ZNF346: variants seen among roughly 807,000 people sequenced by gnomAD.
ZNF346 encodes zinc finger protein 346.
In ZNF346, 23 loss-of-function variants were observed where a neutral mutation model predicts 33.7. That is an observed-to-expected ratio of 0.68 (90% CI 0.49 to 0.97). The LOEUF (loss-of-function observed/expected upper bound fraction) is 0.97. Ranked by LOEUF, ZNF346 falls within the 50% of genes least tolerant of loss-of-function variation. The pLI is 0.00. For synonymous variants in ZNF346, 134 were observed against 142.4 expected (o/e 0.94, Z 0.42); for missense variants, 340 against 371.1 (o/e 0.92, Z 0.69).
downstream of ZNF346, among the ~76,000 whole-genome samples, chr5:177,072,834 C>A (rs1033797677): frequency 6.6e-6 from 1 of 152,050 alleles, no homozygotes; most frequent in South Asian, 2.1e-4. Context: ...AGGAGAGACT[C>A]ATTTCTGATG....
chr5:177,041,684 G>A lies in ZNF346; in HGVS notation c.280-94G>A, dbSNP rs1014316266. ...CCTCCTCCTCAAAACTTTTTGTGAG[G>A]ATGAATCAGATGAAAATCTCATAAG... On this transcript the variant is annotated intron_variant, in intron 2 of 6. Coordinates refer to ENST00000358149, the MANE Select transcript of ZNF346 (RefSeq NM_012279.4). 21 of 805,578 alleles carry A rather than the reference G, an allele frequency of 2.6e-5. No homozygotes were observed. In the African/African-American group the frequency reaches 3.6e-4, roughly 14 times the overall value. 49.9% of individuals were successfully genotyped at this position (805,578 alleles called of 1,614,324 possible).
chr5:177,027,146 G>A (rs1428055616), intron 1 of ZNF346, among the ~76,000 whole-genome samples: 3 of 151,152 alleles, frequency 2.0e-5, no homozygotes, highest in Non-Finnish European at 2.9e-5. Flanking sequence ...TTTGCCTCCC[G>A]GGTTCAAGCG....
intron 5 of ZNF346, among the ~76,000 whole-genome samples, chr5:177,058,665 T>C (rs1782083037): frequency 6.6e-6 from 1 of 152,170 alleles, no homozygotes; most frequent in Non-Finnish European, 1.5e-5. Flanking sequence ...AAGCCCTTGA[T>C]GTTAATAAAT....
chr5:177,041,073 G>A (rs1400415650), intron 1 of ZNF346, 53 bp from the exon 2 acceptor site: 2 of 1,365,786 alleles, frequency 1.5e-6, no homozygotes, highest in East Asian at 4.6e-5. Context: ...CAAAGGCAGT[G>A]CTGTTGAGGT....
intron 1 of ZNF346, among the ~76,000 whole-genome samples, chr5:177,032,456 G>A (rs1777865783): frequency 6.7e-6 from 1 of 149,312 alleles, no homozygotes; most frequent in Non-Finnish European, 1.5e-5. Context: ...TGTCACCCAG[G>A]CTGGAGTGCA....
intron 1 of ZNF346, among the ~76,000 whole-genome samples, chr5:177,026,567 G>A (rs1459947583): frequency 2.0e-5 from 3 of 151,718 alleles, no homozygotes; most frequent in Non-Finnish European, 4.4e-5. Context: ...TCACCATGTT[G>A]GCCAGACTGG....
intron 8 of ZNF346, among the ~76,000 whole-genome samples, chr5:177,076,779 G>A (rs1361683971): frequency 1.3e-5 from 2 of 152,172 alleles, no homozygotes; most frequent in Admixed American, 6.5e-5. Flanking sequence ...GGTGGCTCAC[G>A]CCTGTAATCC....
At chr5:177,070,410 C>A (rs1407925089), downstream of ZNF346, among the ~76,000 whole-genome samples, 1 of 152,114 alleles carries the variant, frequency 6.6e-6, no homozygotes, top group Admixed American at 6.6e-5. Flanking sequence ...GGAGCCCCTG[C>A]TCATGGCTCC....
chr5:177,071,827 T>C (rs1783520457), downstream of ZNF346, among the ~76,000 whole-genome samples: 1 of 152,156 alleles, frequency 6.6e-6, no homozygotes, highest in African/African-American at 2.4e-5. Flanking sequence ...ACTTTCTCCC[T>C]CTGACCATCC....
intron 1 of ZNF346, among the ~76,000 whole-genome samples, chr5:177,040,719 G>A (rs1467303195): frequency 6.6e-6 from 1 of 152,108 alleles, no homozygotes; most frequent in Non-Finnish European, 1.5e-5. Flanking sequence ...GAGTCTTTCA[G>A]TCCTCCTGAT....
intron 5 of ZNF346, among the ~76,000 whole-genome samples, chr5:177,054,350 C>G (rs1336963640): frequency 6.6e-6 from 1 of 151,874 alleles, no homozygotes; most frequent in East Asian, 1.9e-4. Flanking sequence ...GGATTACAGA[C>G]ATGAGCCACC....
At position 177,065,769 on chromosome 5, in the gene ZNF346, A is replaced by G. The variant is rs1312197482; in HGVS notation, c.*1170A>G. On this transcript the variant is annotated 3_prime_UTR_variant, in exon 7 of 7. Transcript: ENST00000358149. Reference sequence around the variant, plus strand: ...TCAGAGGCTTCTCTTCATTGTGTCAAAGAAGCCCCTAGCTGCTCTCGTGGC... The same window carrying G: ...TCAGAGGCTTCTCTTCATTGTGTCAGAGAAGCCCCTAGCTGCTCTCGTGGC... The G allele has an allele frequency of 6.6e-6, 1 of 151,786 alleles. No individual in the cohort carries two copies. The highest frequency in any genetic ancestry group is 1.5e-5 in the Non-Finnish European group (1 of 67,960). The allele number at this position is 151,786 out of a possible 1,614,324, so 9.4% of individuals were successfully genotyped here.
rs2149714196 is a variant in ZNF346 at position 177,067,053 on chromosome 5, A to G, written c.*2454A>G. ...ACTCCAGCCTAGGTGACAGAGTGAG[A>G]CTCCTGTCTCAAAATAAATAAATAA... On this transcript the variant is annotated 3_prime_UTR_variant, in exon 7 of 7. Coordinates refer to ENST00000358149, the MANE Select transcript of ZNF346 (RefSeq NM_012279.4). Among the ~76,000 whole-genome samples, 2 of 152,200 alleles carry G rather than the reference A, an allele frequency of 1.3e-5. No homozygotes were observed. Among genetic ancestry groups the G allele is most frequent in the South Asian group, 2.1e-4 (1 of 4,824 alleles).
intron 1 of ZNF346, among the ~76,000 whole-genome samples, chr5:177,029,759 T>A (rs1429331860): frequency 6.6e-6 from 1 of 152,210 alleles, no homozygotes; most frequent in Non-Finnish European, 1.5e-5. Context: ...TCCCCTGGTT[T>A]TTCCCTGAGT....
chr5:177,022,696 AG>A lies in ZNF346; in HGVS notation c.-41del. 13 of 1,483,264 alleles carry A rather than the reference AG, an allele frequency of 8.8e-6. No homozygotes were observed. Among genetic ancestry groups the A allele is most frequent in the Non-Finnish European group, 1.2e-5 (13 of 1,123,432 alleles). 91.9% of individuals were successfully genotyped at this position (1,483,264 alleles called of 1,614,324 possible). A position where few individuals can be genotyped will look rare whatever the true frequency, so the allele number is the denominator to read the frequency against. ...CCACCCACCAAATCTCGCGATACCT[AG>A]GCGCCTGAGAGGCTCTCTACCGGTG... On this transcript the variant is annotated 5_prime_UTR_variant, in exon 1 of 7. Coordinates refer to ENST00000358149, the MANE Select transcript of ZNF346 (RefSeq NM_012279.4).
intron 1 of ZNF346, among the ~76,000 whole-genome samples, chr5:177,037,266 A>G (rs745587690): frequency 3.3e-5 from 5 of 151,936 alleles, no homozygotes; most frequent in Non-Finnish European, 7.4e-5. Flanking sequence ...CAGTCTCTGA[A>G]CCTCTTTCCT....
chr5:177,072,299 G>C (rs1783545631), downstream of ZNF346, among the ~76,000 whole-genome samples: 1 of 152,238 alleles, frequency 6.6e-6, no homozygotes, highest in Non-Finnish European at 1.5e-5. Flanking sequence ...TTTCCCTCAG[G>C]AGGCCCTCTC....
At chr5:177,070,877 C>T (rs1367980393), downstream of ZNF346, among the ~76,000 whole-genome samples, 1 of 152,196 alleles carries the variant, frequency 6.6e-6, no homozygotes, top group Non-Finnish European at 1.5e-5. Flanking sequence ...CTGCTTATCC[C>T]AGGCCCAAGG....
chr5:177,027,349 G>A (rs570916478), intron 1 of ZNF346, among the ~76,000 whole-genome samples: 117 of 152,048 alleles, frequency 7.7e-4, no homozygotes, highest in African/African-American at 2.4e-3. Flanking sequence ...ACGCCCAGCC[G>A]ATAAAAGTTA....
Sources: allele counts gnomAD v4.1 joint callset (sites outside exome capture counted in the v4.1 genomes callset), GRCh38; gene constraint gnomAD v4.1.1; transcripts MANE v1.5; gene names NCBI Gene and HGNC (gene_info 2026-07-23, HGNC 2026-07-21).